Variants in ATP5F1A observed in about 807,000 individuals in gnomAD.
ATP5F1A encodes the protein ATP synthase F1 subunit alpha.
ATP5F1A carries 24 observed loss-of-function variants against 57.4 expected under a neutral mutation model. The observed-to-expected ratio is 0.42, with a 90% CI of 0.30 to 0.59. The LOEUF is 0.59. Ranked by LOEUF, ATP5F1A falls within the 20% of genes least tolerant of loss-of-function variation. The pLI is 0.19. For missense variants in ATP5F1A, 494 were observed against 707.9 expected, an observed-to-expected ratio of 0.70 and a Z score of 3.43; for synonymous variants, 251 against 255.5, an observed-to-expected ratio of 0.98 and a Z score of 0.17.
chr18:46,095,288 T>A, intron 1 of ATP5F1A, 157 bp from the exon 2 acceptor site: 1 of 659,842 alleles, frequency 1.5e-6, no homozygotes, highest in South Asian at 2.1e-5. Context: ...GAAAGTAGCT[T>A]TTGATATATG....
upstream of ATP5F1A, among the ~76,000 whole-genome samples, chr18:46,098,568 A>T (rs1911157946): frequency 6.6e-6 from 1 of 152,122 alleles, no homozygotes; most frequent in South Asian, 2.1e-4. Context: ...GAATCTGCTA[A>T]GCAGCAGTTC....
At chr18:46,084,811 T>A in intron 10 of ATP5F1A, 157 bp from the exon 11 acceptor site, 1 of 710,980 alleles carries the variant, frequency 1.4e-6, no homozygotes, top group Non-Finnish European at 2.1e-6. Context: ...CACTTAATAA[T>A]CCTTCCTCCC....
intron 2 of ATP5F1A, 56 bp downstream of exon 2, chr18:46,094,989 ACGATGTAT>A (rs1227062627): frequency 6.6e-7 from 1 of 1,521,818 alleles, no homozygotes; most frequent in Non-Finnish European, 8.8e-7. Context: ...CCACAGTTAT[ACGATGTAT>A]GTAATTTATA....
At chr18:46,089,042 T>C (rs958985694) in intron 5 of ATP5F1A, among the ~76,000 whole-genome samples, 1 of 151,904 alleles carries the variant, frequency 6.6e-6, no homozygotes, top group Non-Finnish European at 1.5e-5. Context: ...TGCTCACGTT[T>C]TCCTGCTGAC....
intron 10 of ATP5F1A, 105 bp downstream of exon 10, chr18:46,086,008 T>A (rs377502326): frequency 8.1e-7 from 1 of 1,231,618 alleles, no homozygotes; most frequent in African/African-American, 1.5e-5. Flanking sequence ...AGATAACAGA[T>A]AACAACACGT....
In ATP5F1A at chr18:46,104,187, CG is replaced by C. The variant is rs142998162; in HGVS notation, c.-100del. 1,230 of 404,852 alleles carry C rather than the reference CG, an allele frequency of 3.0e-3. 9 individuals are homozygous for C. Among genetic ancestry groups the C allele is most frequent in the African/African-American group, 0.023 (1,103 of 48,740 alleles). The allele number at this position is 404,852 out of a possible 1,614,324, so 25.1% of individuals were successfully genotyped here. On this transcript the variant is annotated 5_prime_UTR_variant, in exon 1 of 13. Coordinates refer to the ATP5F1A transcript ENST00000282050. ...GTAGTGTTGATTATACCGCGGAAGG[CG>C]GGAAGAGCTGGGAAGTGGCAACGAA...
intron 2 of ATP5F1A, among the ~76,000 whole-genome samples, chr18:46,094,186 C>CACACAT (rs140950200): frequency 0.032 from 4,821 of 151,052 alleles, 266 homozygotes; most frequent in African/African-American, 0.11. Flanking sequence ...CACACACACA[C>CACACAT]ATATACACAC....
Position 46,081,589 on chromosome 18 carries a change from AG to A in ATP5F1A, c.*2692del, listed in dbSNP as rs1269698003. The A allele has an allele frequency of 1.4e-5, 2 of 140,086 alleles. No homozygotes were observed. Among genetic ancestry groups the A allele is most frequent in the Non-Finnish European group, 3.0e-5 (2 of 65,656 alleles). The allele number at this position is 140,086 out of a possible 1,614,324, so 8.7% of individuals were successfully genotyped here. ...TGAGGCAGGAGAATTGCTTGACCCC[AG>A]GAGGCGGTGGTTGTGGTGAGCCGAG... On this transcript the variant is annotated 3_prime_UTR_variant, in exon 12 of 12. Transcript: ENST00000398752.
At chr18:46,085,389 C>CT (rs1910008991) in intron 10 of ATP5F1A, 1 of 150,510 alleles carries the variant, frequency 6.6e-6, no homozygotes, top group South Asian at 2.1e-4. Context: ...AATGCCAGCA[C>CT]TTTGAGAGGT....
At chr18:46,098,344 G>A (rs1312939432), upstream of ATP5F1A, 7 of 1,370,688 alleles carry the variant, frequency 5.1e-6, no homozygotes, top group African/African-American at 1.0e-4. Context: ...TGACCCGGAA[G>A]TACTGCCCCT....
At chr18:46,098,144 C>G (rs921157184) in intron 1 of ATP5F1A, 28 bp downstream of exon 1, 4 of 1,591,794 alleles carry the variant, frequency 2.5e-6, no homozygotes, top group African/African-American at 1.3e-5. Flanking sequence ...ACCCGGCCGC[C>G]TGCATCATGC....
chr18:46,098,383 G>T (rs1177768115), upstream of ATP5F1A: 3 of 1,075,920 alleles, frequency 2.8e-6, no homozygotes, highest in African/African-American at 7.0e-5. Context: ...CCCCGCCCCC[G>T]CCGCCACTCT....
upstream of ATP5F1A, among the ~76,000 whole-genome samples, chr18:46,100,404 T>C (rs1911242609): frequency 6.6e-6 from 1 of 152,160 alleles, no homozygotes; most frequent in Admixed American, 6.5e-5. Context: ...GGGTGGTCTT[T>C]GGTACGTCAG....
chr18:46,088,862 A>G (rs532329352), intron 5 of ATP5F1A, among the ~76,000 whole-genome samples: 9 of 152,054 alleles, frequency 5.9e-5, no homozygotes, highest in African/African-American at 2.2e-4. Flanking sequence ...CGTACATTCT[A>G]TTTACTGAGA....
At chr18:46,101,815 C>A (rs1911281718), upstream of ATP5F1A, among the ~76,000 whole-genome samples, 1 of 148,982 alleles carries the variant, frequency 6.7e-6, no homozygotes. Flanking sequence ...TCACTTAAAC[C>A]TGGGAGATGG....
In ATP5F1A at chr18:46,083,024, TAGGTGAC is replaced by T. The variant is rs1402212823; in HGVS notation, c.*1251_*1257del. On this transcript the variant is annotated 3_prime_UTR_variant, in exon 12 of 12. Transcript: ENST00000398752. ...GAGATTACGCCACTGCTCTCCAGCC[TAGGTGAC>T]AGAGCAAGACTCTGTCTCAAAAAAA... is the stretch of plus-strand genomic sequence containing the variant. The T allele has an allele frequency of 3.3e-5, 5 of 152,092 alleles. No homozygotes were observed. Among genetic ancestry groups the T allele is most frequent in the Admixed American group, 6.6e-5 (1 of 15,260 alleles). The allele number at this position is 152,092 out of a possible 1,614,324, so 9.4% of individuals were successfully genotyped here. A position where few individuals can be genotyped will look rare whatever the true frequency, so the allele number is the denominator to read the frequency against.
chr18:46,086,623 T>C (rs1910118698), intron 8 of ATP5F1A, 129 bp from the exon 9 acceptor site: 2 of 810,630 alleles, frequency 2.5e-6, no homozygotes, highest in Non-Finnish European at 3.9e-6. Flanking sequence ...ACCCCAAATC[T>C]TTCACGACCT....
At chr18:46,090,897 T>C (rs56075249) in intron 3 of ATP5F1A, among the ~76,000 whole-genome samples, 49,102 of 152,122 alleles carry the variant, frequency 0.32, 9,020 homozygotes, top group Middle Eastern at 0.5. Flanking sequence ...AGTACTGTTC[T>C]AGACACTTGG....
rs1910074979 is a variant in ATP5F1A at position 46,086,109 on chromosome 18, T to C, written c.1429+4A>G. On this transcript the variant is annotated splice_donor_region_variant and intron_variant, in intron 10 of 11. Transcript: ENST00000398752. Reference sequence around the variant, plus strand: ...CTGACCAAATGAAGAAAAGAACAACTTACAATACTGTCCTTGCTTCAGCAA... The same window carrying C: ...CTGACCAAATGAAGAAAAGAACAACCTACAATACTGTCCTTGCTTCAGCAA... The C allele has an allele frequency of 6.2e-7, 1 of 1,611,678 alleles. No homozygotes were observed. The highest frequency in any genetic ancestry group is 1.1e-5 in the South Asian group (1 of 90,944).
Sources: gnomAD v4.1 joint callset for allele counts (sites outside exome capture counted in the v4.1 genomes callset) on GRCh38, gnomAD v4.1.1 for gene constraint, MANE v1.5 for transcripts, NCBI Gene and HGNC (gene_info 2026-07-23, HGNC 2026-07-21) for gene names.